The following ENDOD1 variants were observed in gnomAD, a reference collection of about 807,000 sequenced individuals.
The protein encoded by ENDOD1 is endonuclease domain-containing 1 protein.
In ENDOD1, 9 loss-of-function variants were observed where a neutral mutation model predicts 6.5. The ratio of observed to expected loss-of-function variants is 1.39; its 90% CI spans 0.84 to 2.43. The LOEUF (loss-of-function observed/expected upper bound fraction) is 2.43. Among genes scored for constraint, ENDOD1 ranks in the 30% most tolerant of loss-of-function variants. ENDOD1 has a pLI of 0.00. For synonymous variants in ENDOD1, 255 were observed against 255.2 expected (o/e 1.00, Z 0.01); for missense variants, 648 against 635.5 (o/e 1.02, Z -0.21).
At chr11:95,096,580 G>A (rs1555110354) in intron 1 of ENDOD1, among the ~76,000 whole-genome samples, 2 of 152,138 alleles carry the variant, frequency 1.3e-5, no homozygotes, top group Non-Finnish European at 2.9e-5. Flanking sequence ...ACAGATGGCT[G>A]AAATATTATT....
chr11:95,093,646 G>A (rs1175894021), intron 1 of ENDOD1, among the ~76,000 whole-genome samples: 7 of 152,166 alleles, frequency 4.6e-5, no homozygotes, highest in South Asian at 2.1e-4. Flanking sequence ...GAAAGCACGC[G>A]ATAAGTGTTG....
chr11:95,114,688 G>T (rs1356657019), intron 1 of ENDOD1, among the ~76,000 whole-genome samples: 2 of 152,110 alleles, frequency 1.3e-5, no homozygotes, highest in Non-Finnish European at 2.9e-5. Flanking sequence ...ACAGATTGGG[G>T]TCTGCTTTCA....
intron 1 of ENDOD1, among the ~76,000 whole-genome samples, chr11:95,116,072 CT>C (rs1330421701): frequency 6.6e-6 from 1 of 152,058 alleles, no homozygotes; most frequent in African/African-American, 2.4e-5. Context: ...GGTATTAGTT[CT>C]TCTTTAAGTG....
intron 1 of ENDOD1, among the ~76,000 whole-genome samples, chr11:95,113,116 C>T (rs1859166390): frequency 6.6e-6 from 1 of 151,002 alleles, no homozygotes; most frequent in African/African-American, 2.4e-5. Flanking sequence ...TGGAATGGTA[C>T]ATAGTAGGTA....
At position 95,129,256 on chromosome 11, in the gene ENDOD1, T is replaced by A; in HGVS notation, c.1180T>A (p.Leu394Met). ...ISYFMAIGEE[L>M]VSIPWKVLKV... is the part of the protein sequence containing the mutation. Reference sequence around the variant, plus strand: ...ATACTTCATGGCCATTGGGGAAGAGTTGGTGAGCATTCCCTGGAAGGTGCT... The same window carrying A: ...ATACTTCATGGCCATTGGGGAAGAGATGGTGAGCATTCCCTGGAAGGTGCT... The change falls in exon 2 of 2, where the codon TTG becomes ATG. Residue 394 changes from leucine to methionine, a missense_variant. Transcript: ENST00000278505. 6.2e-7 allele frequency: 1 copy of A among 1,613,740 alleles called. No individual in the cohort carries two copies. The highest frequency in any genetic ancestry group is 8.5e-7 in the Non-Finnish European group (1 of 1,179,952).
rs75627946 is a variant in ENDOD1 at position 95,132,357 on chromosome 11, C to T, written c.*2778C>T. 0.028 allele frequency: 4,323 copies of T among 152,720 alleles called. 109 individuals are homozygous for T. The highest frequency in any genetic ancestry group is 0.044 in the Non-Finnish European group (3,010 of 68,030). The allele number at this position is 152,720 out of a possible 1,614,324, so 9.5% of individuals were successfully genotyped here. A position where few individuals can be genotyped will look rare whatever the true frequency, so the allele number is the denominator to read the frequency against. On this transcript the variant is annotated 3_prime_UTR_variant, in exon 2 of 2. Transcript: ENST00000278505. ...CAGTCATTCGTTCATCTGTCAAACA[C>T]GTATTTGGACATCAAGGTTGCAGAG...
At chr11:95,109,453 C>T (rs149694665) in intron 1 of ENDOD1, among the ~76,000 whole-genome samples, 1 of 152,346 alleles carries the variant, frequency 6.6e-6, no homozygotes, top group Admixed American at 6.5e-5. Context: ...TGAGATCATT[C>T]TTTCAACAAA....
Position 95,129,040 on chromosome 11 carries a change from G to A in ENDOD1, c.964G>A (p.Glu322Lys), listed in dbSNP as rs750770456. The change falls in exon 2 of 2, where the codon GAG (glutamate) becomes AAG (lysine). Residue 322 changes from glutamate (E) to lysine (K), a missense_variant. Transcript: ENST00000278505. ...RSTLLPPEASEGSSSFLGKLM... is the reference protein window; with the variant it reads ...RSTLLPPEASKGSSSFLGKLM... ...TACTCTGTTGCCTCCAGAGGCATCT[G>A]AGGGAAGTAGTAGCTTTTTGGGAAA... 17 of 1,613,836 alleles carry A rather than the reference G, an allele frequency of 1.1e-5. No homozygotes were observed. The highest frequency in any genetic ancestry group is 5.3e-5 in the African/African-American group (4 of 74,870).
chr11:95,089,849 G>C lies in ENDOD1; in HGVS notation c.-79G>C. The C allele has an allele frequency of 8.0e-7, 1 of 1,251,228 alleles. No homozygotes were observed. The allele number at this position is 1,251,228 out of a possible 1,614,324, so 77.5% of individuals were successfully genotyped here. On this transcript the variant is annotated 5_prime_UTR_variant, in exon 1 of 2. Coordinates refer to ENST00000278505, the MANE Select transcript of ENDOD1 (RefSeq NM_015036.3). ...CTTCCCTACCCTGCTCGGCTGCGTA[G>C]TGCGCTCCCCGCCCAGCCTGCAGAG... is the stretch of plus-strand genomic sequence containing the variant.
intron 1 of ENDOD1, among the ~76,000 whole-genome samples, chr11:95,122,936 C>T (rs1286355301): frequency 1.3e-5 from 2 of 152,098 alleles, no homozygotes; most frequent in Non-Finnish European, 2.9e-5. Flanking sequence ...CGCCTGTAAT[C>T]CCAGCACTTT....
At chr11:95,100,181 G>A (rs986312375) in intron 1 of ENDOD1, among the ~76,000 whole-genome samples, 1 of 151,900 alleles carries the variant, frequency 6.6e-6, no homozygotes, top group Admixed American at 6.6e-5. Context: ...CCTCCTATAC[G>A]AGTCCTGCAC....
chr11:95,121,118 G>C (rs1859258880), intron 1 of ENDOD1, among the ~76,000 whole-genome samples: 1 of 152,242 alleles, frequency 6.6e-6, no homozygotes, highest in Admixed American at 6.5e-5. Flanking sequence ...GTGATATGAA[G>C]TTAAGACCAG....
At chr11:95,103,800 A>G (rs1591012280) in intron 1 of ENDOD1, among the ~76,000 whole-genome samples, 1 of 152,316 alleles carries the variant, frequency 6.6e-6, no homozygotes, top group Non-Finnish European at 1.5e-5. Flanking sequence ...ATTCAGGGAG[A>G]CAATGTGTGC....
intron 1 of ENDOD1, among the ~76,000 whole-genome samples, chr11:95,091,549 C>T (rs1292391823): frequency 6.6e-6 from 1 of 152,188 alleles, no homozygotes; most frequent in African/African-American, 2.4e-5. Flanking sequence ...AGGGTGTTCC[C>T]CACCTCTCAT....
chr11:95,104,690 AG>A (rs1403246912), intron 1 of ENDOD1, among the ~76,000 whole-genome samples: 1 of 152,218 alleles, frequency 6.6e-6, no homozygotes, highest in African/African-American at 2.4e-5. Flanking sequence ...AAGATATCAC[AG>A]GTAGATTCAC....
intron 1 of ENDOD1, among the ~76,000 whole-genome samples, chr11:95,121,392 T>C (rs959445014): frequency 6.6e-6 from 1 of 152,216 alleles, no homozygotes; most frequent in Non-Finnish European, 1.5e-5. Flanking sequence ...TCCTGATTTA[T>C]TAATAATACA....
Position 95,128,824 on chromosome 11 carries a change from A to G in ENDOD1, c.748A>G (p.Met250Val), listed in dbSNP as rs1317736118. The G allele has an allele frequency of 1.2e-6, 2 of 1,614,184 alleles. No individual in the cohort carries two copies. The highest frequency in any genetic ancestry group is 2.7e-5 in the African/African-American group (2 of 75,038). Residue 250 changes from methionine to valine, a missense_variant, in exon 2 of 2, where the codon ATG becomes GTG. By Grantham distance (21) the Met-to-Val change is conservative. Coordinates refer to ENST00000278505, the MANE Select transcript of ENDOD1 (RefSeq NM_015036.3). Reference protein sequence around the residue: ...TRDSDIIEDVMVKDLQKLLPF... With the variant: ...TRDSDIIEDVVVKDLQKLLPF... ...GGACAGTGACATCATAGAAGATGTG[A>G]TGGTAAAAGATCTTCAGAAACTGCT...
Position 95,100,215 on chromosome 11 carries a change from C to T in ENDOD1, c.300+9988C>T, listed in dbSNP as rs192841282. Among the ~76,000 whole-genome samples, 511 of 152,208 alleles carry T rather than the reference C, an allele frequency of 3.4e-3. 3 individuals are homozygous for T. Among genetic ancestry groups the T allele is most frequent in the African/African-American group, 0.012 (493 of 41,522 alleles). On this transcript the variant is annotated intron_variant, in intron 1 of 1. Transcript: ENST00000278505. ...ACAGACTTATCTGAACTCTAGGGCC[C>T]AAGTTCCCATCATCTATCTAAGTCT...
At chr11:95,126,280 C>T (rs545109694) in intron 1 of ENDOD1, among the ~76,000 whole-genome samples, 1 of 152,334 alleles carries the variant, frequency 6.6e-6, no homozygotes, top group South Asian at 2.1e-4. Context: ...TGCCCTCAGA[C>T]TAGAGGTGCA....
Sources: gnomAD v4.1 joint callset for allele counts (sites outside exome capture counted in the v4.1 genomes callset) on GRCh38, gnomAD v4.1.1 for gene constraint, MANE v1.5 for transcripts, NCBI Gene and HGNC (gene_info 2026-07-23, HGNC 2026-07-21) for gene names.